ACTN4: variants seen among roughly 807,000 people sequenced by gnomAD.
ACTN4 encodes the protein actinin alpha 4.
Under a neutral mutation model 114.2 loss-of-function variants are expected in ACTN4, and 18 were observed. The ratio of observed to expected loss-of-function variants is 0.16; its 90% CI spans 0.11 to 0.23. The LOEUF (loss-of-function observed/expected upper bound fraction) is 0.23, where lower values mean the gene tolerates loss of function less well. Among genes scored for constraint, ACTN4 ranks in the 10% least tolerant of loss-of-function variants. The pLI is 1.00. For missense variants in ACTN4, 722 were observed against 1,262.9 expected, an observed-to-expected ratio of 0.57 and a Z score of 6.49; for synonymous variants, 515 against 506.3, an observed-to-expected ratio of 1.02 and a Z score of -0.23.
Position 38,727,184 on chromosome 19 carries a change from G to C in ACTN4, c.2337+81G>C. ...CACACCTTCGTCTCTGCATCTGTTC[G>C]TCCATTCCCATCACAGTTGCTGAGC... On this transcript the variant is annotated intron_variant, in intron 18 of 20. Coordinates refer to ENST00000252699, the MANE Select transcript of ACTN4 (RefSeq NM_004924.6). This position sits in a 1 kb window ranked among gnomAD's most constrained non-coding sequence, Gnocchi z 5.4. 3 of 1,600,942 alleles carry C rather than the reference G, an allele frequency of 1.9e-6. No homozygotes were observed. The highest frequency in any genetic ancestry group is 2.6e-6 in the Non-Finnish European group (3 of 1,172,172).
rs371427990 is a variant in ACTN4 at position 38,731,197 on chromosome 19, G to A, written c.*1765G>A. ...TCCCGGTAGCGGCTGGTGAGGGTCT[G>A]GGTCAGCTGGTTGTTCAGGTGGAAG... On this transcript the variant is annotated 3_prime_UTR_variant, in exon 21 of 21. Coordinates refer to ENST00000252699, the MANE Select transcript of ACTN4 (RefSeq NM_004924.6). The A allele has an allele frequency of 3.7e-6, 6 of 1,612,630 alleles. No individual in the cohort carries two copies. The highest frequency in any genetic ancestry group is 1.3e-5 in the African/African-American group (1 of 74,916).
chr19:38,709,335 C>T, intron 6 of ACTN4, 60 bp from the exon 7 acceptor site: 1 of 1,335,262 alleles, frequency 7.5e-7, no homozygotes, highest in Non-Finnish European at 1.1e-6. Flanking sequence ...CCCTGCCTCC[C>T]TCCTGCTCCT....
At chr19:38,661,754 G>A (rs112979658) in intron 1 of ACTN4, among the ~76,000 whole-genome samples, 5,425 of 152,260 alleles carry the variant, frequency 0.036, 147 homozygotes, top group Non-Finnish European at 0.054. Context: ...CCAGGTTCAC[G>A]CCATTCTCCT....
intron 19 of ACTN4, chr19:38,728,238 C>A: frequency 6.8e-7 from 1 of 1,465,690 alleles, no homozygotes; most frequent in Non-Finnish European, 9.3e-7. Context: ...GTCCTGTCTG[C>A]CTGCTGTGCA....
At chr19:38,689,701 T>C (rs1388982240) in intron 1 of ACTN4, among the ~76,000 whole-genome samples, 1 of 151,012 alleles carries the variant, frequency 6.6e-6, no homozygotes, top group Non-Finnish European at 1.5e-5. Flanking sequence ...TGAGATGGAG[T>C]CTCGCTCTGT....
intron 1 of ACTN4, among the ~76,000 whole-genome samples, chr19:38,668,356 G>A (rs1243308629): frequency 6.6e-6 from 1 of 152,110 alleles, no homozygotes; most frequent in Admixed American, 6.6e-5. Flanking sequence ...GATACAACAA[G>A]AAAGAAAACC....
chr19:38,724,082 G>A lies in ACTN4; in HGVS notation c.1692+5G>A, dbSNP rs1456414634. 4.3e-6 allele frequency: 7 copies of A among 1,613,542 alleles called. No individual in the cohort carries two copies. The highest frequency in any genetic ancestry group is 3.3e-5 in the Admixed American group (2 of 60,022). ...CATACCATCGAGGAGATTGAGGTTCGCACCCCCCGGCCCCCCATCTTCCCA... is the reference window on the plus strand; with the variant it reads ...CATACCATCGAGGAGATTGAGGTTCACACCCCCCGGCCCCCCATCTTCCCA... On this transcript the variant is annotated splice_donor_5th_base_variant and intron_variant, in intron 14 of 20. Coordinates refer to ENST00000252699, the MANE Select transcript of ACTN4 (RefSeq NM_004924.6). The surrounding 1 kb of genome is among the most constrained non-coding windows in gnomAD (Gnocchi z 7.0).
At position 38,724,682 on chromosome 19, in the gene ACTN4, A is replaced by G. The variant is rs1969172730; in HGVS notation, c.2010+117A>G. On this transcript the variant is annotated intron_variant, in intron 16 of 20. Transcript: ENST00000252699. The surrounding 1 kb of genome is among the most constrained non-coding windows in gnomAD (Gnocchi z 7.0). ...GAGGCGCCTGGCAGAGCAGGTCCCA[A>G]TTCTCACCACCCAGGGGCCGTGATC... is the stretch of plus-strand genomic sequence containing the variant. 4.6e-6 allele frequency: 7 copies of G among 1,529,094 alleles called. No individual in the cohort carries two copies. The highest frequency in any genetic ancestry group is 4.5e-5 in the East Asian group (2 of 44,022). 94.7% of individuals were successfully genotyped at this position (1,529,094 alleles called of 1,614,324 possible).
rs563858750 is a variant in ACTN4, at chr19:38,730,161, AC to A, written c.*730del. On this transcript the variant is annotated 3_prime_UTR_variant, in exon 21 of 21. Transcript: ENST00000252699. ...AAAAAAAAATCACAAAAACAAAAAAACTATAAAAAAGAAAGAATTAAAAACT... is the reference window on the plus strand; with the variant it reads ...AAAAAAAAATCACAAAAACAAAAAAATATAAAAAAGAAAGAATTAAAAACT... 1.0e-2 allele frequency: 1,553 copies of A among 155,652 alleles called. 12 individuals are homozygous for A. The highest frequency in any genetic ancestry group is 0.024 in the Middle Eastern group (7 of 296). The allele number at this position is 155,652 out of a possible 1,614,324, so 9.6% of individuals were successfully genotyped here.
intron 1 of ACTN4, among the ~76,000 whole-genome samples, chr19:38,682,676 A>G (rs1967615063): frequency 6.6e-6 from 1 of 152,042 alleles, no homozygotes; most frequent in Non-Finnish European, 1.5e-5. Flanking sequence ...CTCCTCCCCC[A>G]TGAGGCCCTC....
In ACTN4 at chr19:38,731,085, ACCATGCCG is replaced by A. The variant is rs1969558674; in HGVS notation, c.*1654_*1661del. ...CCCGTACCCCTTCCCCCCATGCCCC[ACCATGCCG>A]GGGTGGTACTCACAGAAGATGCAGG... On this transcript the variant is annotated 3_prime_UTR_variant, in exon 21 of 21. Coordinates refer to ENST00000252699, the MANE Select transcript of ACTN4 (RefSeq NM_004924.6). 21 of 1,100,760 alleles carry A rather than the reference ACCATGCCG, an allele frequency of 1.9e-5. No individual in the cohort carries two copies. Among genetic ancestry groups the A allele is most frequent in the Non-Finnish European group, 2.6e-5 (20 of 781,970 alleles). 68.2% of individuals were successfully genotyped at this position (1,100,760 alleles called of 1,614,324 possible). A position where few individuals can be genotyped will look rare whatever the true frequency, so the allele number is the denominator to read the frequency against.
rs3214908 is a variant in ACTN4 at position 38,727,627 on chromosome 19, A to AC, written c.2338-309dup. Among the ~76,000 whole-genome samples, 9,308 of 122,644 alleles carry AC rather than the reference A, an allele frequency of 0.076. 343 individuals carry two copies. The highest frequency in any genetic ancestry group is 0.15 in the Middle Eastern group (34 of 224). The allele number at this position is 122,644 out of a possible 152,430, so 80.5% of individuals were successfully genotyped here. A position where few individuals can be genotyped will look rare whatever the true frequency, so the allele number is the denominator to read the frequency against. On this transcript the variant is annotated intron_variant, in intron 18 of 20. Coordinates refer to ENST00000252699, the MANE Select transcript of ACTN4 (RefSeq NM_004924.6). The surrounding 1 kb of genome is among the most constrained non-coding windows in gnomAD (Gnocchi z 5.4). Reference sequence around the variant, plus strand: ...ACTCCAAATCCCAAAGGCAAGGAGAACCCCCCCCCCGACCCTCCACCAGTC... The same window carrying AC: ...ACTCCAAATCCCAAAGGCAAGGAGAACCCCCCCCCCCGACCCTCCACCAGTC...
chr19:38,720,640 C>T (rs1162793320), intron 11 of ACTN4, among the ~76,000 whole-genome samples: 1 of 152,230 alleles, frequency 6.6e-6, no homozygotes, highest in East Asian at 1.9e-4. Flanking sequence ...TGTGCTCGAA[C>T]ACCACCTCAC....
Position 38,727,969 on chromosome 19 carries a change from C to T in ACTN4, c.2361C>T (p.Pro787=), listed in dbSNP as rs770338772. ...AGGATCATGGCGGGGCGCTGGGGCC[C>T]GAGGAGTTCAAGGCCTGCCTCATCA... ...FDKDHGGALG[P]EEFKACLISL... Residue 787 remains proline, a synonymous_variant, in exon 19 of 21, where the codon CCC becomes CCT. Transcript: ENST00000252699. The surrounding 1 kb of genome is among the most constrained non-coding windows in gnomAD (Gnocchi z 5.4). 2.5e-5 allele frequency: 41 copies of T among 1,612,394 alleles called. No homozygotes were observed. The highest frequency in any genetic ancestry group is 7.7e-5 in the South Asian group (7 of 91,036).
chr19:38,671,827 C>T (rs945048608), intron 1 of ACTN4, among the ~76,000 whole-genome samples: 76 of 152,226 alleles, frequency 5.0e-4, no homozygotes, highest in African/African-American at 1.8e-3. Context: ...TCGCCCTCTG[C>T]TTTTAACTTT....
intron 1 of ACTN4, among the ~76,000 whole-genome samples, chr19:38,663,722 G>T (rs999650597): frequency 6.6e-6 from 1 of 152,172 alleles, no homozygotes; most frequent in African/African-American, 2.4e-5. Flanking sequence ...GGGAGCTGCT[G>T]GTTTGAAGGA....
At chr19:38,700,199 C>T (rs1258280593) in intron 1 of ACTN4, among the ~76,000 whole-genome samples, 1 of 152,152 alleles carries the variant, frequency 6.6e-6, no homozygotes, top group Non-Finnish European at 1.5e-5. Context: ...GAGCCTGGTG[C>T]TCAGTCATGT....
chr19:38,693,770 C>G (rs1208861029), intron 1 of ACTN4, among the ~76,000 whole-genome samples: 2 of 152,150 alleles, frequency 1.3e-5, no homozygotes, highest in African/African-American at 4.8e-5. Context: ...ACCAGAGATG[C>G]TAGGTCTCCG....
chr19:38,661,917 G>A (rs1387291487), intron 1 of ACTN4, among the ~76,000 whole-genome samples: 1 of 152,216 alleles, frequency 6.6e-6, no homozygotes, highest in Non-Finnish European at 1.5e-5. Flanking sequence ...TTCCCAAAGT[G>A]CTGGGATTAC....
Sources: allele counts gnomAD v4.1 joint callset (sites outside exome capture counted in the v4.1 genomes callset), GRCh38; gene constraint gnomAD v4.1.1; non-coding constraint Gnocchi (gnomAD v3.1); transcripts MANE v1.5; gene names NCBI Gene and HGNC (gene_info 2026-07-23, HGNC 2026-07-21).